TEP1: variants seen among roughly 807,000 people sequenced by gnomAD.
TEP1 encodes telomerase protein component 1.
In TEP1, 241 loss-of-function variants were observed where a neutral mutation model predicts 306.3. The observed-to-expected ratio is 0.79, with a 90% CI of 0.71 to 0.88. TEP1 has a LOEUF of 0.88. TEP1 is among the 40% of genes least tolerant of loss of function. The probability of loss-of-function intolerance (pLI) is 0.00; values close to 1 mark genes in which losing one functional copy is unlikely to be tolerated. For missense variants in TEP1, 3,051 were observed against 3,276.1 expected (o/e 0.93, Z 1.68); for synonymous variants, 1,289 against 1,305.5 (o/e 0.99, Z 0.27).
At chr14:20,389,843 G>A (rs1877541969) in intron 15 of TEP1, 103 bp from the exon 16 acceptor site, 2 of 1,449,866 alleles carry the variant, frequency 1.4e-6, no homozygotes, top group Non-Finnish European at 1.9e-6. Flanking sequence ...AGAACTCTGA[G>A]AGGAGTACCT....
In TEP1 at chr14:20,384,075, A is replaced by G; in HGVS notation, c.3497T>C (p.Val1166Ala). 1.2e-6 allele frequency: 2 copies of G among 1,613,276 alleles called. No individual in the cohort carries two copies. The highest frequency in any genetic ancestry group is 1.7e-6 in the Non-Finnish European group (2 of 1,179,700). The change falls in exon 24 of 55, where the codon GTG (valine) becomes GCG (alanine). Residue 1166 changes from valine (V) to alanine (A), a missense_variant. Val to Ala is a moderately conservative substitution (Grantham distance 64). This residue lies in a region of TEP1 where 1,507 missense variants were observed against 1,550.5 expected (regional missense o/e 0.97). Coordinates refer to ENST00000262715, the MANE Select transcript of TEP1 (RefSeq NM_007110.5). ...LMLPHGRLSLVTGQSGQGKTA... is the reference protein window; with the variant it reads ...LMLPHGRLSLATGQSGQGKTA... ...CTTGCCCTGTCCTGACTGCCCCGTC[A>G]CCAGGCTCAGCCTTCCGTGGGGCAG...
At chr14:20,409,491 G>A (rs1249574414) in intron 1 of TEP1, among the ~76,000 whole-genome samples, 11 of 152,062 alleles carry the variant, frequency 7.2e-5, no homozygotes, top group African/African-American at 1.7e-4. Context: ...CCATTTCCCC[G>A]TTGGACATCC....
intron 33 of TEP1, 62 bp downstream of exon 33, chr14:20,380,869 C>T (rs1594335747): frequency 1.4e-6 from 2 of 1,393,738 alleles, no homozygotes; most frequent in South Asian, 1.2e-5. Flanking sequence ...GAGCAGGGCC[C>T]CCATAAGCAC....
chr14:20,383,460 C>G, intron 26 of TEP1, 28 bp downstream of exon 26: 1 of 1,613,862 alleles, frequency 6.2e-7, no homozygotes, highest in Non-Finnish European at 8.5e-7. Context: ...AGCCTGCCTC[C>G]CGACACCCAC....
chr14:20,400,137 C>CAAAA (rs58121179), intron 9 of TEP1, among the ~76,000 whole-genome samples: 12 of 80,470 alleles, frequency 1.5e-4, no homozygotes, highest in Non-Finnish European at 2.5e-4. Flanking sequence ...AACTCCGTCT[C>CAAAA]AAAAAAAAAA....
At chr14:20,378,937 T>A (rs371501494) in intron 36 of TEP1, 44 bp downstream of exon 36, 5 of 1,613,838 alleles carry the variant, frequency 3.1e-6, no homozygotes, top group Non-Finnish European at 4.2e-6. Context: ...TTCCAAAAAA[T>A]GGGGAAGGCC....
rs775142696 is a variant in TEP1 at position 20,395,925 on chromosome 14, A to G, written c.1684T>C (p.Phe562Leu). 3 of 1,613,978 alleles carry G rather than the reference A, an allele frequency of 1.9e-6. No homozygotes were observed. In the African/African-American group the frequency reaches 4.0e-5, roughly 22 times the overall value. The change falls in exon 11 of 55, where the codon TTT becomes CTT. Residue 562 changes from phenylalanine (F) to leucine (L), a missense_variant. Transcript: ENST00000262715. ...HAKSVIHSRQ[F>L]PFRFLNAHDA... ...TGGGCGTTAAGAAATCTGAATGGAAACTGCCGACTGTGGATCACCGACTTC... is the reference window on the plus strand; with the variant it reads ...TGGGCGTTAAGAAATCTGAATGGAAGCTGCCGACTGTGGATCACCGACTTC...
rs1199176966 is a variant in TEP1 at position 20,408,178 on chromosome 14, G to C, written c.262C>G (p.Leu88Val). ...ENQCLATLSD[L>V]KTMEKPHGHV... The stretch of plus-strand genomic sequence containing the variant: ...CCATGTGGTTTCTCCATGGTCTTCA[G>C]GTCAGAAAGTGTGGCCAGGCACTGG... Residue 88 changes from leucine (L) to valine (V), a missense_variant, in exon 2 of 55, where the codon CTG (leucine) becomes GTG (valine). By Grantham distance (32) the Leu-to-Val change is conservative. Transcript: ENST00000262715. The C allele has an allele frequency of 6.2e-7, 1 of 1,612,510 alleles. No homozygotes were observed. Among genetic ancestry groups the C allele is most frequent in the Admixed American group, 1.7e-5 (1 of 59,610 alleles).
intron 12 of TEP1, among the ~76,000 whole-genome samples, chr14:20,393,301 T>C (rs971713742): frequency 4.9e-4 from 74 of 152,326 alleles, no homozygotes; most frequent in African/African-American, 1.4e-3. Context: ...AGTCTATTAA[T>C]ATTTTTATTA....
At position 20,384,660 on chromosome 14, in the gene TEP1, G is replaced by T; in HGVS notation, c.3161C>A (p.Ala1054Glu). The change falls in exon 22 of 55, where the codon GCA becomes GAA. Residue 1054 changes from alanine (A) to glutamate (E), a missense_variant. Ala to Glu is a moderately radical substitution (Grantham distance 107). Coordinates refer to ENST00000262715, the MANE Select transcript of TEP1 (RefSeq NM_007110.5). Reference protein sequence around the residue: ...SDFVSESEEAARRISELKSYL... With the variant: ...SDFVSESEEAERRISELKSYL... Reference sequence around the variant, plus strand: ...GCTCTTCAGTTCTGAGATCCGACGTGCGGCCTCTTCAGACTCAGAAACAAA... The same window carrying T: ...GCTCTTCAGTTCTGAGATCCGACGTTCGGCCTCTTCAGACTCAGAAACAAA... 6.2e-7 allele frequency: 1 copy of T among 1,613,620 alleles called. No individual in the cohort carries two copies. The highest frequency in any genetic ancestry group is 1.1e-5 in the South Asian group (1 of 91,062).
chr14:20,368,710 T>C (rs1248728519), intron 54 of TEP1, 88 bp downstream of exon 54: 5 of 1,534,862 alleles, frequency 3.3e-6, no homozygotes, highest in African/African-American at 1.4e-5. Flanking sequence ...TGCCCTTTCT[T>C]ACTCTAAGTT....
In TEP1 at chr14:20,391,103, G is replaced by A. The variant is rs756321549; in HGVS notation, c.2098-7C>T. The stretch of plus-strand genomic sequence containing the variant: ...GTGCATAGTTCAGCGGGGGCTGATT[G>A]GACAAGTGTCAGGGGAAATAAAGCT... On this transcript the variant is annotated splice_region_variant and splice_polypyrimidine_tract_variant and intron_variant, in intron 13 of 54. Coordinates refer to ENST00000262715, the MANE Select transcript of TEP1 (RefSeq NM_007110.5). 1 of 1,613,558 alleles carries A rather than the reference G, an allele frequency of 6.2e-7. No homozygotes were observed. The highest frequency in any genetic ancestry group is 8.5e-7 in the Non-Finnish European group (1 of 1,179,876).
In TEP1 at chr14:20,378,777, C is replaced by A; in HGVS notation, c.5329G>T (p.Val1777Leu). 6.2e-7 allele frequency: 1 copy of A among 1,614,182 alleles called. No individual in the cohort carries two copies. The highest frequency in any genetic ancestry group is 1.7e-5 in the Admixed American group (1 of 60,020). The change falls in exon 37 of 55, where the codon GTG (valine) becomes TTG (leucine). Residue 1777 changes from valine (V) to leucine (L), a missense_variant. By Grantham distance (32) the Val-to-Leu change is conservative. This residue lies in a region of TEP1 where 1,540 missense variants were observed against 1,705.9 expected (regional missense o/e 0.90). Coordinates refer to ENST00000262715, the MANE Select transcript of TEP1 (RefSeq NM_007110.5). ...ACCTTTAGGCATCCTCCCAAGCACA[C>A]GGTGGCTAGCAGCCGGCAGTCTGGG... The part of the protein sequence containing the change: ...LSPDCRLLAT[V>L]CLGGCLKLWD...
chr14:20,382,719 G>T lies in TEP1; in HGVS notation c.4048-4C>A, dbSNP rs767300385. On this transcript the variant is annotated splice_polypyrimidine_tract_variant and splice_region_variant and intron_variant, in intron 27 of 54. Transcript: ENST00000262715. The stretch of plus-strand genomic sequence containing the variant: ...GCTTCACCAGCAGCAGTCGCATCTG[G>T]CAAGACTCAGGACTCAGGGTGGGGT... 4 of 1,613,950 alleles carry T rather than the reference G, an allele frequency of 2.5e-6. No homozygotes were observed. In the East Asian group the frequency reaches 8.9e-5, roughly 36 times the overall value.
In TEP1 at chr14:20,385,106, G is replaced by A. The variant is rs770287420; in HGVS notation, c.2986C>T (p.Gln996Ter). 1 of 1,613,932 alleles carries A rather than the reference G, an allele frequency of 6.2e-7. No homozygotes were observed. The highest frequency in any genetic ancestry group is 1.1e-5 in the South Asian group (1 of 91,066). Reference protein sequence around the residue: ...LPDHPHFHWAQQYPSGRSVTE... With the variant: ...LPDHPHFHWA ...ACAGAGCGCCCTGAAGGGTACTGCT[G>A]GGCCTGCGGGGAGGACAGAGACAGT... Residue 996 changes from glutamine (Q) to a stop codon, truncating the protein, a stop_gained, in exon 21 of 55, where the codon CAG becomes TAG. Coordinates refer to ENST00000262715, the MANE Select transcript of TEP1 (RefSeq NM_007110.5). LOFTEE classifies it high-confidence loss of function.
At chr14:20,387,551 C>CAAAAAAAA (rs34816712) in intron 18 of TEP1, among the ~76,000 whole-genome samples, 2 of 127,704 alleles carry the variant, frequency 1.6e-5, no homozygotes, top group Middle Eastern at 3.6e-3. Context: ...GACTCCGTCT[C>CAAAAAAAA]AAAAAAAAAA....
At chr14:20,412,737 C>A (rs1879772825) in intron 1 of TEP1, among the ~76,000 whole-genome samples, 1 of 137,248 alleles carries the variant, frequency 7.3e-6, no homozygotes. Context: ...CAGCTCACTG[C>A]AATCTCTGCC....
At chr14:20,400,888 T>G (rs967237918) in intron 9 of TEP1, 96 bp downstream of exon 9, 1 of 1,478,428 alleles carries the variant, frequency 6.8e-7, no homozygotes, top group Non-Finnish European at 9.2e-7. Flanking sequence ...AAGTAATAAC[T>G]TCATCATTCC....
chr14:20,392,164 T>C (rs1220761082), intron 12 of TEP1, among the ~76,000 whole-genome samples: 4 of 152,256 alleles, frequency 2.6e-5, no homozygotes, highest in African/African-American at 9.6e-5. Context: ...TCATCCCACC[T>C]TTCCCATACA....
Sources: gnomAD v4.1 joint callset for allele counts (sites outside exome capture counted in the v4.1 genomes callset) on GRCh38, gnomAD v4.1.1 for gene constraint, gnomAD v4.1.1 regional missense constraint, MANE v1.5 for transcripts, NCBI Gene and HGNC (gene_info 2026-07-23, HGNC 2026-07-21) for gene names.